PEAK1: variants seen among roughly 807,000 people sequenced by gnomAD.
The protein encoded by PEAK1 is pseudopodium enriched atypical kinase 1.
A neutral mutation model predicts 124.7 loss-of-function variants in PEAK1; 54 were observed. That is an observed-to-expected ratio of 0.43 (90% CI 0.35 to 0.54). The LOEUF (loss-of-function observed/expected upper bound fraction) is 0.54, where lower values mean the gene tolerates loss of function less well. Among genes scored for constraint, PEAK1 ranks in the 20% least tolerant of loss-of-function variants. The pLI is 0.01. For missense variants in PEAK1, 2,046 were observed against 2,134.5 expected, an observed-to-expected ratio of 0.96 and a Z score of 0.82; for synonymous variants, 719 against 760.0, an observed-to-expected ratio of 0.95 and a Z score of 0.89.
chr15:77,127,381 C>T (rs1012003236), intron 9 of PEAK1, among the ~76,000 whole-genome samples: 3 of 152,126 alleles, frequency 2.0e-5, no homozygotes, highest in African/African-American at 7.2e-5. Flanking sequence ...TGTAAAAATA[C>T]TTTAAAAGGT....
chr15:77,352,937 T>G, intron 2 of PEAK1: 2 of 985,334 alleles, frequency 2.0e-6, no homozygotes, highest in Non-Finnish European at 2.4e-6. Flanking sequence ...TAATGTATTG[T>G]ACTGCTCTTC....
At chr15:77,161,252 T>C (rs952806991) in intron 7 of PEAK1, among the ~76,000 whole-genome samples, 5 of 152,140 alleles carry the variant, frequency 3.3e-5, no homozygotes, top group African/African-American at 1.2e-4. Flanking sequence ...AGGCAAACCA[T>C]GAGAAAAGGC....
At position 77,181,417 on chromosome 15, in the gene PEAK1, T is replaced by A; in HGVS notation, c.510A>T (p.Thr170=). ...DTAPQIRGNE[T]NSRETFLGRI... ...TTCCCAAGAATGTTTCTCTGGAGTT[T>A]GTTTCATTTCCTCTTATCTGAGGGG... Residue 170 remains threonine (T), a synonymous_variant, in exon 7 of 10, where the codon ACA becomes ACT. Coordinates refer to ENST00000682557, the MANE Select transcript of PEAK1 (RefSeq NM_001385026.1). The A allele has an allele frequency of 6.2e-7, 1 of 1,614,200 alleles. No individual in the cohort carries two copies. Among genetic ancestry groups the A allele is most frequent in the Non-Finnish European group, 8.5e-7 (1 of 1,180,022 alleles).
intron 1 of PEAK1, among the ~76,000 whole-genome samples, chr15:77,393,388 T>A (rs931604236): frequency 3.9e-5 from 6 of 152,120 alleles, no homozygotes; most frequent in Non-Finnish European, 7.4e-5. Flanking sequence ...CCTTCCCTCC[T>A]TTTGAGAAGA....
intron 2 of PEAK1, among the ~76,000 whole-genome samples, chr15:77,325,970 T>A (rs570783882): frequency 1.3e-4 from 19 of 149,198 alleles, no homozygotes; most frequent in East Asian, 5.8e-4. Context: ...AGTACAAATT[T>A]AAAAAAAAAA....
At chr15:77,144,170 T>A (rs1349116478) in intron 8 of PEAK1, among the ~76,000 whole-genome samples, 1 of 152,258 alleles carries the variant, frequency 6.6e-6, no homozygotes, top group African/African-American at 2.4e-5. Flanking sequence ...TTCTGCCAGC[T>A]AGAGAATGAA....
At chr15:77,221,453 A>G (rs2059387823) in intron 6 of PEAK1, among the ~76,000 whole-genome samples, 2 of 151,860 alleles carry the variant, frequency 1.3e-5, no homozygotes, top group African/African-American at 4.8e-5. Context: ...ATATTTTGAA[A>G]CATAGGCTGG....
chr15:77,160,625 G>A (rs757823545), intron 7 of PEAK1, among the ~76,000 whole-genome samples: 1 of 151,998 alleles, frequency 6.6e-6, no homozygotes, highest in Admixed American at 6.6e-5. Flanking sequence ...GCAGTGAGCC[G>A]AGATCGTGCC....
At chr15:77,298,495 G>C (rs2063627270) in intron 2 of PEAK1, among the ~76,000 whole-genome samples, 1 of 151,854 alleles carries the variant, frequency 6.6e-6, no homozygotes, top group Non-Finnish European at 1.5e-5. Context: ...TGGGATTACA[G>C]GCGTGAGCCA....
At chr15:77,139,447 C>G (rs1200931465) in intron 8 of PEAK1, among the ~76,000 whole-genome samples, 3 of 152,128 alleles carry the variant, frequency 2.0e-5, no homozygotes, top group Admixed American at 1.3e-4. Flanking sequence ...ACTTTTATGA[C>G]TGGCAGTGCA....
Position 77,179,367 on chromosome 15 carries a change from A to T in PEAK1, c.2560T>A (p.Ser854Thr), listed in dbSNP as rs753508683. ...GGGCTAGTCACTAATTTGGAGGGAG[A>T]GGGGGTGACTGGCTTTATGGATGGG... is the stretch of plus-strand genomic sequence containing the variant. ...KDPSIKPVTP[S>T]PSKLVTSPQS... Residue 854 changes from serine to threonine, a missense_variant, in exon 7 of 10, where the codon TCT (serine) becomes ACT (threonine). Coordinates refer to ENST00000682557, the MANE Select transcript of PEAK1 (RefSeq NM_001385026.1). 1 of 1,613,430 alleles carries T rather than the reference A, an allele frequency of 6.2e-7. No homozygotes were observed. The highest frequency in any genetic ancestry group is 8.5e-7 in the Non-Finnish European group (1 of 1,179,898).
Position 77,115,111 on chromosome 15 carries a change from G to A in PEAK1, c.4286C>T (p.Thr1429Met), listed in dbSNP as rs144840677. 5.1e-5 allele frequency: 82 copies of A among 1,613,990 alleles called. No homozygotes were observed. In the East Asian group the frequency reaches 1.1e-3, roughly 21 times the overall value. ...ACAGGGCTTTGGGTTTTTCCCATCC[G>A]TTTCTCCTTTGGCGTCTTCTTCAGT... is the stretch of plus-strand genomic sequence containing the variant. ...EETEEDAKGE[T>M]DGKNPKPCSE... The change falls in exon 10 of 10, where the codon ACG becomes ATG. Residue 1429 changes from threonine (T) to methionine (M), a missense_variant. Thr to Met is a moderately conservative substitution (Grantham distance 81, BLOSUM62 -1). Transcript: ENST00000682557.
chr15:77,337,132 C>G, intron 2 of PEAK1: 11 of 984,996 alleles, frequency 1.1e-5, no homozygotes, highest in Non-Finnish European at 1.3e-5. Flanking sequence ...AAGATGCCAA[C>G]AGTAAGAAGC....
At chr15:77,316,405 G>A (rs11636554) in intron 2 of PEAK1, among the ~76,000 whole-genome samples, 99,577 of 151,884 alleles carry the variant, frequency 0.66, 33,587 homozygotes, top group Non-Finnish European at 0.75. Flanking sequence ...CCCATTTCCT[G>A]ATTCTTACAT....
intron 9 of PEAK1, among the ~76,000 whole-genome samples, chr15:77,127,817 T>C (rs1397154660): frequency 1.3e-5 from 2 of 152,150 alleles, no homozygotes; most frequent in Non-Finnish European, 2.9e-5. Flanking sequence ...TTGTGGCTCA[T>C]GCCTGTAATC....
intron 1 of PEAK1, among the ~76,000 whole-genome samples, chr15:77,408,837 G>C (rs563182854): frequency 4.6e-5 from 7 of 152,186 alleles, no homozygotes; most frequent in Non-Finnish European, 8.8e-5. Flanking sequence ...TTGGGAGGCT[G>C]AGGCGGGAGG....
chr15:77,402,563 T>C (rs950991031), intron 1 of PEAK1: 1 of 976,328 alleles, frequency 1.0e-6, no homozygotes, highest in Non-Finnish European at 1.2e-6. Flanking sequence ...TCTGATTATC[T>C]TTCTGTCATC....
chr15:77,334,583 A>G (rs1302202802), intron 2 of PEAK1: 6 of 985,242 alleles, frequency 6.1e-6, no homozygotes, highest in Non-Finnish European at 7.2e-6. Context: ...TTCCTTTCAT[A>G]TTGTCTCTAG....
rs116448263 is a variant in PEAK1 at position 77,131,003 on chromosome 15, A to G, written c.4077+2002T>C. On this transcript the variant is annotated intron_variant, in intron 9 of 9. Coordinates refer to ENST00000682557, the MANE Select transcript of PEAK1 (RefSeq NM_001385026.1). ...TGAACCCAAATCTTTTGGACTTCAA[A>G]GTCCACACTTTATTTATTATATTGA... is the stretch of plus-strand genomic sequence containing the variant. Among the ~76,000 whole-genome samples the G allele has an allele frequency of 4.3e-3, 650 of 152,358 alleles. 1 individual carries two copies. Among genetic ancestry groups the G allele is most frequent in the African/African-American group, 0.013 (555 of 41,584 alleles).
Sources: gnomAD v4.1 joint callset for allele counts (sites outside exome capture counted in the v4.1 genomes callset) on GRCh38, gnomAD v4.1.1 for gene constraint, MANE v1.5 for transcripts, NCBI Gene and HGNC (gene_info 2026-07-23, HGNC 2026-07-21) for gene names.